Variants in CACNA2D1 observed in about 807,000 individuals in gnomAD.
CACNA2D1 encodes calcium voltage-gated channel auxiliary subunit alpha2delta 1.
CACNA2D1 carries 53 observed loss-of-function variants against 171.5 expected under a neutral mutation model. The observed-to-expected ratio is 0.31, with a 90% CI of 0.25 to 0.39. CACNA2D1 has a LOEUF of 0.39. CACNA2D1 is among the 10% of genes least tolerant of loss of function. The pLI, the probability that CACNA2D1 is intolerant of heterozygous loss-of-function variation, is 1.00. For synonymous variants in CACNA2D1, 442 were observed against 443.1 expected (o/e 1.00, Z 0.03); for missense variants, 903 against 1,299.8 (o/e 0.69, Z 4.69).
intron 3 of CACNA2D1, among the ~76,000 whole-genome samples, chr7:82,202,389 G>T (rs1401883815): frequency 6.6e-6 from 1 of 152,130 alleles, no homozygotes; most frequent in Non-Finnish European, 1.5e-5. Context: ...AGGAGAGTGA[G>T]CCTTTGGTCC....
intron 3 of CACNA2D1, among the ~76,000 whole-genome samples, chr7:82,297,096 A>ACAAAAAAAAAAAAT (rs1554501242): frequency 7.5e-6 from 1 of 133,078 alleles, no homozygotes; most frequent in African/African-American, 2.9e-5. Context: ...AAAAAAAAAA[A>ACAAAAAAAAAAAAT]ATTAGCCAGG....
At chr7:82,051,583 T>C (rs887105035) in intron 10 of CACNA2D1, among the ~76,000 whole-genome samples, 1 of 152,184 alleles carries the variant, frequency 6.6e-6, no homozygotes, top group Non-Finnish European at 1.5e-5. Flanking sequence ...CATGTGCATC[T>C]AATTCTTTAG....
At chr7:82,365,793 T>C (rs1401277273) in intron 1 of CACNA2D1, among the ~76,000 whole-genome samples, 3 of 152,244 alleles carry the variant, frequency 2.0e-5, no homozygotes, top group Admixed American at 1.3e-4. Flanking sequence ...CCTGAAGTGT[T>C]ATAGGTGGCT....
chr7:82,226,254 G>A (rs1314517684), intron 3 of CACNA2D1, among the ~76,000 whole-genome samples: 3 of 152,016 alleles, frequency 2.0e-5, no homozygotes, highest in South Asian at 2.1e-4. Context: ...ACATCACCAC[G>A]GCCACCTCTG....
At chr7:82,215,716 TTTAA>T (rs1398548018) in intron 3 of CACNA2D1, among the ~76,000 whole-genome samples, 1 of 149,934 alleles carries the variant, frequency 6.7e-6, no homozygotes, top group Non-Finnish European at 1.5e-5. Flanking sequence ...GCCATAGTCT[TTTAA>T]TTGTTTCATA....
chr7:82,268,326 G>C (rs1247365738), intron 3 of CACNA2D1, among the ~76,000 whole-genome samples: 1 of 152,070 alleles, frequency 6.6e-6, no homozygotes, highest in Non-Finnish European at 1.5e-5. Flanking sequence ...TAAATACTCA[G>C]CAAATACTTA....
chr7:82,245,674 A>ACACACACACACT (rs1554479435), intron 3 of CACNA2D1, among the ~76,000 whole-genome samples: 3 of 125,654 alleles, frequency 2.4e-5, no homozygotes, highest in Admixed American at 1.6e-4. Context: ...ACACACACAC[A>ACACACACACACT]CACACACACA....
intron 1 of CACNA2D1, among the ~76,000 whole-genome samples, chr7:82,429,920 G>A (rs1467345174): frequency 5.9e-5 from 9 of 152,130 alleles, no homozygotes; most frequent in Admixed American, 5.9e-4. Flanking sequence ...AGAGCAGTCT[G>A]CACAGCCTCC....
At chr7:82,292,225 A>G (rs981935170) in intron 3 of CACNA2D1, among the ~76,000 whole-genome samples, 1 of 152,140 alleles carries the variant, frequency 6.6e-6, no homozygotes, top group African/African-American at 2.4e-5. Context: ...TAGTCACTTC[A>G]ACAGGATCAA....
At chr7:82,347,082 C>T (rs1418327891) in intron 2 of CACNA2D1, among the ~76,000 whole-genome samples, 1 of 152,114 alleles carries the variant, frequency 6.6e-6, no homozygotes, top group African/African-American at 2.4e-5. Flanking sequence ...AAGTCTAATG[C>T]ATCAGGGACA....
chr7:82,013,355 T>C (rs1479452821), intron 14 of CACNA2D1, 106 bp downstream of exon 14: 2 of 369,054 alleles, frequency 5.4e-6, no homozygotes, highest in African/African-American at 2.2e-5. Context: ...TGTAATATTA[T>C]AGATCTTTTC....
At chr7:82,130,801 T>C (rs1204085525) in intron 5 of CACNA2D1, among the ~76,000 whole-genome samples, 2 of 138,014 alleles carry the variant, frequency 1.4e-5, no homozygotes, top group African/African-American at 5.4e-5. Flanking sequence ...CTTTTTTTTT[T>C]TTTTTTTTTT....
At chr7:82,293,929 G>T (rs1811960571) in intron 3 of CACNA2D1, among the ~76,000 whole-genome samples, 1 of 152,026 alleles carries the variant, frequency 6.6e-6, no homozygotes, top group Non-Finnish European at 1.5e-5. Context: ...GAGGCCCTTA[G>T]CTTTTTGCTC....
At chr7:82,296,307 T>G (rs1812282708) in intron 3 of CACNA2D1, among the ~76,000 whole-genome samples, 1 of 152,038 alleles carries the variant, frequency 6.6e-6, no homozygotes, top group Non-Finnish European at 1.5e-5. Flanking sequence ...AAAAACTATT[T>G]CTGTAAGTGA....
chr7:82,264,972 G>A (rs1418723375), intron 3 of CACNA2D1, among the ~76,000 whole-genome samples: 1 of 152,022 alleles, frequency 6.6e-6, no homozygotes, highest in East Asian at 1.9e-4. Flanking sequence ...ATAATATCAG[G>A]CATGTTCATA....
At chr7:82,075,369 C>G (rs1265133696) in intron 7 of CACNA2D1, among the ~76,000 whole-genome samples, 1 of 150,376 alleles carries the variant, frequency 6.6e-6, no homozygotes, top group Non-Finnish European at 1.5e-5. Context: ...AAATGAAATA[C>G]TCAATAAAGT....
intron 1 of CACNA2D1, among the ~76,000 whole-genome samples, chr7:82,363,556 C>T (rs547668250): frequency 3.3e-5 from 5 of 152,124 alleles, no homozygotes; most frequent in African/African-American, 4.8e-5. Context: ...TGAGCCACCA[C>T]GCCCCGCCTG....
chr7:82,030,326 AAAAAAG>A (rs1431594737), intron 12 of CACNA2D1, among the ~76,000 whole-genome samples: 1 of 151,650 alleles, frequency 6.6e-6, no homozygotes, highest in African/African-American at 2.4e-5. Flanking sequence ...GTGTGTTTAA[AAAAAAG>A]AAAAAGATCA....
chr7:82,027,079 G>A (rs1287753135), intron 12 of CACNA2D1, among the ~76,000 whole-genome samples: 1 of 151,598 alleles, frequency 6.6e-6, no homozygotes, highest in Non-Finnish European at 1.5e-5. Flanking sequence ...GGTTTGTAGG[G>A]AGGTGGAGAT....
Sources: gnomAD v4.1 joint callset for allele counts (sites outside exome capture counted in the v4.1 genomes callset) on GRCh38, gnomAD v4.1.1 for gene constraint, MANE v1.5 for transcripts, NCBI Gene and HGNC (gene_info 2026-07-23, HGNC 2026-07-21) for gene names.